Variants in ZSCAN30 observed in about 807,000 individuals in gnomAD.
The protein encoded by ZSCAN30 is zinc finger and SCAN domain-containing protein 30.
ZSCAN30 carries 37 observed loss-of-function variants against 44.3 expected under a neutral mutation model. That is an observed-to-expected ratio of 0.84 (90% CI 0.64 to 1.10). The LOEUF (loss-of-function observed/expected upper bound fraction) is 1.10. Among genes scored for constraint, ZSCAN30 ranks in the 50% least tolerant of loss-of-function variants. The pLI is 0.00. For synonymous variants in ZSCAN30, 181 were observed against 204.6 expected, an observed-to-expected ratio of 0.88 and a Z score of 0.98; for missense variants, 549 against 582.6, an observed-to-expected ratio of 0.94 and a Z score of 0.59.
chr18:35,265,177 C>T (rs955784229), intron 1 of ZSCAN30, among the ~76,000 whole-genome samples: 1 of 151,788 alleles, frequency 6.6e-6, no homozygotes, highest in African/African-American at 2.4e-5. Context: ...ATTTTCCTAA[C>T]GAGGCTACTA....
intron 1 of ZSCAN30, among the ~76,000 whole-genome samples, chr18:35,266,535 T>G (rs1439471256): frequency 6.6e-6 from 1 of 152,156 alleles, no homozygotes; most frequent in Non-Finnish European, 1.5e-5. Flanking sequence ...TGCTGAGCTA[T>G]TCATTAAGAA....
chr18:35,276,371 T>C (rs1319715814), intron 1 of ZSCAN30, among the ~76,000 whole-genome samples: 1 of 152,154 alleles, frequency 6.6e-6, no homozygotes, highest in Non-Finnish European at 1.5e-5. Flanking sequence ...CTTTAGTCAG[T>C]TTTCTGTCTG....
At chr18:35,265,433 T>C (rs1199098004) in intron 1 of ZSCAN30, among the ~76,000 whole-genome samples, 1 of 152,236 alleles carries the variant, frequency 6.6e-6, no homozygotes, top group African/African-American at 2.4e-5. Context: ...AAGTAATTTG[T>C]CCAAGGCTAC....
Position 35,264,300 on chromosome 18 carries a change from C to A in ZSCAN30, c.53G>T (p.Gly18Val). ...TTCTTCAACCTTGACAACTAGAAGTCCTTCCTGTTCTTCTGGAGCATGGTA... is the reference window on the plus strand; with the variant it reads ...TTCTTCAACCTTGACAACTAGAAGTACTTCCTGTTCTTCTGGAGCATGGTA... Reference protein sequence around the residue: ...LAYHAPEEQEGLLVVKVEEEN... With the variant: ...LAYHAPEEQEVLLVVKVEEEN... The change falls in exon 2 of 4, where the codon GGA becomes GTA. Residue 18 changes from glycine to valine, a missense_variant. Gly to Val is a moderately radical substitution (Grantham distance 109). Transcript: ENST00000333206. 1 of 1,614,076 alleles carries A rather than the reference C, an allele frequency of 6.2e-7. No homozygotes were observed. Among genetic ancestry groups the A allele is most frequent in the Non-Finnish European group, 8.5e-7 (1 of 1,180,032 alleles).
At chr18:35,282,272 G>A (rs905393836) in intron 1 of ZSCAN30, 13 of 152,180 alleles carry the variant, frequency 8.5e-5, no homozygotes, top group African/African-American at 2.9e-4. Flanking sequence ...TGCCATTCAT[G>A]GACCAACAAA....
chr18:35,273,573 TG>T (rs1471659832), intron 1 of ZSCAN30, among the ~76,000 whole-genome samples: 4 of 152,246 alleles, frequency 2.6e-5, no homozygotes, highest in Non-Finnish European at 1.5e-5. Flanking sequence ...TTCATTCCAT[TG>T]TATGTATCCG....
intron 1 of ZSCAN30, chr18:35,281,394 A>G (rs2044452887): frequency 6.6e-6 from 1 of 152,194 alleles, no homozygotes; most frequent in Non-Finnish European, 1.5e-5. Context: ...TCACACACAG[A>G]AAGCAACATC....
At position 35,253,268 on chromosome 18, in the gene ZSCAN30, T is replaced by G; in HGVS notation, c.*182A>C. On this transcript the variant is annotated 3_prime_UTR_variant, in exon 4 of 4. Transcript: ENST00000333206. The stretch of plus-strand genomic sequence containing the variant: ...TTTTTGGAGAAGACTTGGGTAACAT[T>G]TTTCTTCCATTTAACACTTCAATAA... The G allele has an allele frequency of 2.1e-6, 1 of 479,076 alleles. No individual in the cohort carries two copies. Among genetic ancestry groups the G allele is most frequent in the Non-Finnish European group, 3.6e-6 (1 of 275,582 alleles). The allele number at this position is 479,076 out of a possible 1,614,324, so 29.7% of individuals were successfully genotyped here. A position where few individuals can be genotyped will look rare whatever the true frequency, so the allele number is the denominator to read the frequency against.
At position 35,258,303 on chromosome 18, in the gene ZSCAN30, G is replaced by A. The variant is rs2043909942; in HGVS notation, c.554-3922C>T. 6 of 296,350 alleles carry A rather than the reference G, an allele frequency of 2.0e-5. No homozygotes were observed. In the South Asian group the frequency reaches 2.5e-4, roughly 12 times the overall value. 18.4% of individuals were successfully genotyped at this position (296,350 alleles called of 1,614,324 possible). A position where few individuals can be genotyped will look rare whatever the true frequency, so the allele number is the denominator to read the frequency against. ...TTGCTAAGTCCAAGGACATTGGAGAGATAGAGTCACTATTACTGATATGGT... is the reference window on the plus strand; with the variant it reads ...TTGCTAAGTCCAAGGACATTGGAGAAATAGAGTCACTATTACTGATATGGT... On this transcript the variant is annotated intron_variant, in intron 3 of 3. Coordinates refer to ENST00000333206, the MANE Select transcript of ZSCAN30 (RefSeq NM_001112734.4).
chr18:35,253,967 T>C lies in ZSCAN30; in HGVS notation c.968A>G (p.His323Arg). The change falls in exon 4 of 4, where the codon CAT (histidine) becomes CGT (arginine). Residue 323 changes from histidine to arginine, a missense_variant. Coordinates refer to ENST00000333206, the MANE Select transcript of ZSCAN30 (RefSeq NM_001112734.4). The stretch of plus-strand genomic sequence containing the variant: ...ACATGCATAAGGTCTCTCTCCAGTA[T>C]GAATTCTCTGATGTCTAATCAGCTT... ...SSKLIRHQRIHTGERPYACKE... is the reference protein window; with the variant it reads ...SSKLIRHQRIRTGERPYACKE... 6.2e-7 allele frequency: 1 copy of C among 1,614,222 alleles called. No individual in the cohort carries two copies. Among genetic ancestry groups the C allele is most frequent in the Non-Finnish European group, 8.5e-7 (1 of 1,180,030 alleles).
In ZSCAN30 at chr18:35,254,117, AG is replaced by A. The variant is rs1252545740; in HGVS notation, c.817del (p.Glu274AsnfsTer11). 11 of 1,614,044 alleles carry A rather than the reference AG, an allele frequency of 6.8e-6. No homozygotes were observed. Among genetic ancestry groups the A allele is most frequent in the Non-Finnish European group, 9.3e-6 (11 of 1,180,016 alleles). On this transcript the variant is annotated frameshift_variant, in exon 4 of 4. Coordinates refer to ENST00000333206, the MANE Select transcript of ZSCAN30 (RefSeq NM_001112734.4). LOFTEE classifies it high-confidence loss of function. ...NRRIPTEHSV[L>X]ESHESEGSFS... is the part of the protein sequence containing the mutation. The stretch of plus-strand genomic sequence containing the variant: ...ACTTCCTTCACTCTCATGAGATTCA[AG>A]GACACTGTGTTCTGTGGGGATTCTT...
At chr18:35,267,534 C>G (rs1055698570) in intron 1 of ZSCAN30, 1 of 152,048 alleles carries the variant, frequency 6.6e-6, no homozygotes, top group Non-Finnish European at 1.5e-5. Context: ...AATGCCCGGC[C>G]GCACGCGCGC....
At position 35,271,467 on chromosome 18, in the gene ZSCAN30, C is replaced by A. The variant is rs189545077; in HGVS notation, c.-103-7012G>T. On this transcript the variant is annotated intron_variant, in intron 1 of 3. Transcript: ENST00000333206. ...CAAACCTTAAGCTAGACACAGAGTG[C>A]TGATTGGTGTGTTTACAAACCTTGA... 8.5e-5 allele frequency among the ~76,000 whole-genome samples: 13 copies of A among 152,370 alleles called. No individual in the cohort carries two copies. The East Asian group carries it at 2.5e-3, about 29-fold the overall frequency.
intron 1 of ZSCAN30, chr18:35,268,495 G>A (rs1320073184): frequency 2.6e-5 from 4 of 152,224 alleles, no homozygotes; most frequent in Non-Finnish European, 5.9e-5. Context: ...CCAACGTTTT[G>A]GAATGGGGAA....
At chr18:35,257,849 C>A in intron 3 of ZSCAN30, 3 of 780,056 alleles carry the variant, frequency 3.8e-6, no homozygotes, top group Non-Finnish European at 7.2e-6. Flanking sequence ...AGGATTAGAC[C>A]AAGCCTAGAC....
intron 3 of ZSCAN30, among the ~76,000 whole-genome samples, chr18:35,256,763 G>A (rs1357771525): frequency 6.7e-6 from 1 of 150,102 alleles, no homozygotes; most frequent in Admixed American, 6.6e-5. Flanking sequence ...TTCTGTTTTT[G>A]TTGTTGTTGT....
rs927533473 is a variant in ZSCAN30, at chr18:35,271,725, C to T, written c.-103-7270G>A. On this transcript the variant is annotated intron_variant, in intron 1 of 3. Transcript: ENST00000333206. ...GGGGGCGGCACCCGCCGGGGAGGCT[C>T]CAGCTGCGTGGGAGCCCATTGCGGG... 2.6e-5 allele frequency among the ~76,000 whole-genome samples: 4 copies of T among 152,348 alleles called. No homozygotes were observed. In the East Asian group the frequency reaches 7.7e-4, roughly 29 times the overall value.
At chr18:35,276,937 A>T (rs746048064) in intron 1 of ZSCAN30, among the ~76,000 whole-genome samples, 4 of 152,216 alleles carry the variant, frequency 2.6e-5, no homozygotes, top group Non-Finnish European at 5.9e-5. Context: ...AGCAGCCAGG[A>T]GGGGTGCTGT....
chr18:35,285,609 C>G (rs1456280421), intron 1 of ZSCAN30, among the ~76,000 whole-genome samples: 1 of 151,958 alleles, frequency 6.6e-6, no homozygotes. Flanking sequence ...TAGAAACCCC[C>G]CAAATATTTA....
Sources: allele counts gnomAD v4.1 joint callset (sites outside exome capture counted in the v4.1 genomes callset), GRCh38; gene constraint gnomAD v4.1.1; transcripts MANE v1.5; gene names NCBI Gene and HGNC (gene_info 2026-07-23, HGNC 2026-07-21).